UST: variants seen among roughly 807,000 people sequenced by gnomAD.
The protein encoded by UST is uronyl 2-sulfotransferase.
UST carries 21 observed loss-of-function variants against 45.6 expected under a neutral mutation model. That is an observed-to-expected ratio of 0.46 (90% CI 0.33 to 0.66). UST has a LOEUF of 0.66. Among genes scored for constraint, UST ranks in the 30% least tolerant of loss-of-function variants. The pLI is 0.02. For synonymous variants in UST, 215 were observed against 200.6 expected, an observed-to-expected ratio of 1.07 and a Z score of -0.61; for missense variants, 463 against 512.4, an observed-to-expected ratio of 0.90 and a Z score of 0.93.
chr6:148,855,373 C>A (rs1191178846), intron 1 of UST, among the ~76,000 whole-genome samples: 2 of 152,226 alleles, frequency 1.3e-5, no homozygotes, highest in Non-Finnish European at 2.9e-5. Flanking sequence ...ACTGCCCTTT[C>A]TCACCAGGGG....
At chr6:148,804,115 A>G (rs1187197347) in intron 1 of UST, among the ~76,000 whole-genome samples, 1 of 152,220 alleles carries the variant, frequency 6.6e-6, no homozygotes, top group African/African-American at 2.4e-5. Context: ...GGAACTGAAG[A>G]CAGGGCAACT....
chr6:148,788,829 T>A (rs2114699938), intron 1 of UST, among the ~76,000 whole-genome samples: 1 of 152,368 alleles, frequency 6.6e-6, no homozygotes, highest in South Asian at 2.1e-4. Context: ...AAATTATTTT[T>A]ACTTAAGGGC....
At chr6:148,855,822 C>T (rs1445471560) in intron 1 of UST, among the ~76,000 whole-genome samples, 1 of 152,176 alleles carries the variant, frequency 6.6e-6, no homozygotes, top group African/African-American at 2.4e-5. Context: ...ACGGGTACCA[C>T]TGCAGATGCT....
intron 7 of UST, among the ~76,000 whole-genome samples, chr6:149,068,041 T>A (rs987707827): frequency 6.6e-6 from 1 of 152,160 alleles, no homozygotes; most frequent in Non-Finnish European, 1.5e-5. Context: ...AATTTTTTTT[T>A]AATCGGCCCT....
chr6:149,017,152 C>A (rs1225299494), intron 5 of UST, among the ~76,000 whole-genome samples: 1 of 152,082 alleles, frequency 6.6e-6, no homozygotes, highest in African/African-American at 2.4e-5. Flanking sequence ...CCGAGGCGGG[C>A]GGATCATGAG....
chr6:148,846,820 C>G lies in UST; in HGVS notation c.248-40166C>G, dbSNP rs1193158257. On this transcript the variant is annotated intron_variant, in intron 1 of 7. Transcript: ENST00000367463. ...CAGCAGTGACAATCTGGAAACCTAA[C>G]CATGTGCCATGGGGCATGCAGGTAG... Among the ~76,000 whole-genome samples, 4 of 152,342 alleles carry G rather than the reference C, an allele frequency of 2.6e-5. No individual in the cohort carries two copies. In the East Asian group the frequency reaches 5.8e-4, roughly 22 times the overall value.
intron 1 of UST, among the ~76,000 whole-genome samples, chr6:148,773,195 C>T (rs1470756824): frequency 1.3e-5 from 2 of 152,110 alleles, no homozygotes; most frequent in African/African-American, 2.4e-5. Context: ...TCTGGTGGCT[C>T]ACGCCTGTAA....
At chr6:148,782,947 A>G (rs761218376) in intron 1 of UST, among the ~76,000 whole-genome samples, 2 of 152,262 alleles carry the variant, frequency 1.3e-5, no homozygotes, top group Non-Finnish European at 2.9e-5. Flanking sequence ...GTAAAATGCT[A>G]TCAAACCACA....
intron 1 of UST, among the ~76,000 whole-genome samples, chr6:148,800,099 A>G (rs1777029218): frequency 6.6e-6 from 1 of 152,192 alleles, no homozygotes; most frequent in South Asian, 2.1e-4. Flanking sequence ...CTTTAATTTG[A>G]ATATGGATTT....
intron 1 of UST, among the ~76,000 whole-genome samples, chr6:148,788,080 A>G (rs1776767204): frequency 6.6e-6 from 1 of 152,208 alleles, no homozygotes; most frequent in Admixed American, 6.5e-5. Flanking sequence ...CCTTACAATC[A>G]TAGGGGAAGG....
At chr6:149,009,815 TTTTG>T (rs1232857922) in intron 5 of UST, among the ~76,000 whole-genome samples, 2 of 148,716 alleles carry the variant, frequency 1.3e-5, no homozygotes, top group Non-Finnish European at 2.9e-5. Flanking sequence ...TCATTATACC[TTTTG>T]TCTTTTTTTT....
At chr6:148,898,059 G>T (rs1429836172) in intron 2 of UST, among the ~76,000 whole-genome samples, 1 of 151,964 alleles carries the variant, frequency 6.6e-6, no homozygotes, top group Non-Finnish European at 1.5e-5. Flanking sequence ...TCATTTTATG[G>T]AAGAATCAAT....
chr6:148,970,013 C>T (rs1044039144), intron 5 of UST, among the ~76,000 whole-genome samples: 10 of 152,206 alleles, frequency 6.6e-5, no homozygotes, highest in Non-Finnish European at 1.2e-4. Flanking sequence ...CCGAATGCTC[C>T]GCCAGGCTGA....
At chr6:149,017,306 G>A (rs1335629117) in intron 5 of UST, among the ~76,000 whole-genome samples, 1 of 152,004 alleles carries the variant, frequency 6.6e-6, no homozygotes, top group African/African-American at 2.4e-5. Flanking sequence ...GAACCCGGGA[G>A]GTGGAGCTTC....
chr6:149,073,996 C>A lies in UST; in HGVS notation c.1101C>A (p.His367Gln), dbSNP rs772324432. ...AGCGCAAGTTTGGACTTAAGTCTCA[C>A]GTCAGCAAGCCCCCCCTGAGGCCAC... ...LLKRKFGLKSHVSKPPLRPHF... is the reference protein window; with the variant it reads ...LLKRKFGLKSQVSKPPLRPHF... The change falls in exon 8 of 8, where the codon CAC becomes CAA. Residue 367 changes from histidine (H) to glutamine (Q), a missense_variant. By Grantham distance (24) the His-to-Gln change is conservative. Coordinates refer to ENST00000367463, the MANE Select transcript of UST (RefSeq NM_005715.3). The A allele has an allele frequency of 6.2e-6, 10 of 1,614,078 alleles. No homozygotes were observed. The highest frequency in any genetic ancestry group is 7.6e-6 in the Non-Finnish European group (9 of 1,180,030).
At chr6:148,819,149 A>G (rs1173344069) in intron 1 of UST, among the ~76,000 whole-genome samples, 1 of 152,260 alleles carries the variant, frequency 6.6e-6, no homozygotes, top group African/African-American at 2.4e-5. Flanking sequence ...TTGCAGAAGA[A>G]AGTAATAGAT....
At chr6:148,838,944 C>T (rs1777841963) in intron 1 of UST, among the ~76,000 whole-genome samples, 1 of 152,096 alleles carries the variant, frequency 6.6e-6, no homozygotes, top group South Asian at 2.1e-4. Flanking sequence ...AGGTATATGC[C>T]CCCATATGCA....
chr6:148,991,100 A>C (rs1195724472), intron 5 of UST, among the ~76,000 whole-genome samples: 3 of 152,106 alleles, frequency 2.0e-5, no homozygotes, highest in Non-Finnish European at 2.9e-5. Flanking sequence ...ATAAGAGGAC[A>C]ATGAGTAACT....
At chr6:148,779,041 G>T (rs934140480) in intron 1 of UST, among the ~76,000 whole-genome samples, 2 of 151,894 alleles carry the variant, frequency 1.3e-5, no homozygotes, top group Non-Finnish European at 2.9e-5. Context: ...GTCCTTACCC[G>T]CTGTGGATGC....
Sources: allele counts gnomAD v4.1 joint callset (sites outside exome capture counted in the v4.1 genomes callset), GRCh38; gene constraint gnomAD v4.1.1; transcripts MANE v1.5; gene names NCBI Gene and HGNC (gene_info 2026-07-23, HGNC 2026-07-21).